The following EYS variants were observed in gnomAD, a reference collection of about 807,000 sequenced individuals.
EYS encodes protein eyes shut homolog.
EYS carries 250 observed loss-of-function variants against 282.1 expected under a neutral mutation model. The ratio of observed to expected loss-of-function variants is 0.89; its 90% CI spans 0.80 to 0.98. The LOEUF (loss-of-function observed/expected upper bound fraction) is 0.98. Among genes scored for constraint, EYS ranks in the 50% least tolerant of loss-of-function variants. The probability of loss-of-function intolerance (pLI) is 0.00; values close to 1 mark genes in which losing one functional copy is unlikely to be tolerated. For synonymous variants in EYS, 1,355 were observed against 1,282.9 expected (o/e 1.06, Z -1.20); for missense variants, 4,016 against 3,709.0 (o/e 1.08, Z -2.15).
chr6:64,376,119 G>A (rs2150416813), intron 29 of EYS, among the ~76,000 whole-genome samples: 1 of 152,266 alleles, frequency 6.6e-6, no homozygotes, highest in South Asian at 2.1e-4. Flanking sequence ...TAGTGGAAGA[G>A]GACAGAAGAC....
rs967400299 is a variant in EYS, at chr6:63,948,399, T to C, written c.7055+35984A>G. ...TCCATTTCTTTGTCTCTCAGAAATATGAGACAAGTGCCTTTTGCTCTATCA... is the reference window on the plus strand; with the variant it reads ...TCCATTTCTTTGTCTCTCAGAAATACGAGACAAGTGCCTTTTGCTCTATCA... On this transcript the variant is annotated intron_variant, in intron 35 of 42. Coordinates refer to ENST00000503581, the MANE Select transcript of EYS (RefSeq NM_001142800.2). Among the ~76,000 whole-genome samples the C allele has an allele frequency of 2.6e-5, 4 of 152,340 alleles. No homozygotes were observed. The East Asian group carries it at 7.7e-4, about 29-fold the overall frequency.
At chr6:65,118,524 G>T (rs1775443438) in intron 12 of EYS, among the ~76,000 whole-genome samples, 1 of 152,112 alleles carries the variant, frequency 6.6e-6, no homozygotes, top group Non-Finnish European at 1.5e-5. Context: ...GAGCCCTTTG[G>T]CATCACATGT....
chr6:64,899,326 A>T (rs1015767066), intron 18 of EYS, among the ~76,000 whole-genome samples: 2 of 152,188 alleles, frequency 1.3e-5, no homozygotes, highest in African/African-American at 4.8e-5. Context: ...CTACATGGAA[A>T]CTGAATGACC....
At chr6:64,690,771 T>C (rs977202767) in intron 22 of EYS, among the ~76,000 whole-genome samples, 7 of 151,896 alleles carry the variant, frequency 4.6e-5, no homozygotes, top group Non-Finnish European at 8.8e-5. Context: ...TAGGCGGGAA[T>C]TGAATAATGA....
chr6:64,480,576 T>C (rs1168914896), intron 26 of EYS, among the ~76,000 whole-genome samples: 1 of 151,852 alleles, frequency 6.6e-6, no homozygotes, highest in East Asian at 1.9e-4. Flanking sequence ...ATAAAATATA[T>C]TCCAGAATTA....
intron 24 of EYS, among the ~76,000 whole-genome samples, chr6:64,606,584 T>A (rs1022210686): frequency 4.6e-5 from 7 of 152,092 alleles, no homozygotes; most frequent in Non-Finnish European, 8.8e-5. Flanking sequence ...TTAGAAACAT[T>A]AAGTTGGCAT....
chr6:65,284,491 T>C (rs1327929534), intron 12 of EYS, among the ~76,000 whole-genome samples: 7 of 152,120 alleles, frequency 4.6e-5, no homozygotes, highest in African/African-American at 1.7e-4. Flanking sequence ...GAAAAGTTAA[T>C]ATCTATTATA....
intron 31 of EYS, among the ~76,000 whole-genome samples, chr6:64,191,558 T>C (rs1212622904): frequency 6.8e-6 from 1 of 147,608 alleles, no homozygotes; most frequent in African/African-American, 2.5e-5. Flanking sequence ...AATTCCCACC[T>C]ATGGGTGAGA....
chr6:64,697,079 T>G (rs1319867842), intron 22 of EYS, among the ~76,000 whole-genome samples: 1 of 152,114 alleles, frequency 6.6e-6, no homozygotes, highest in African/African-American at 2.4e-5. Context: ...TGAATATAAC[T>G]GGATTTAATG....
At chr6:65,354,685 C>T (rs1034315679) in intron 8 of EYS, among the ~76,000 whole-genome samples, 3 of 152,070 alleles carry the variant, frequency 2.0e-5, no homozygotes, top group East Asian at 3.9e-4. Flanking sequence ...GGTGCAGTGG[C>T]GTGCGCCTGT....
chr6:65,002,261 C>T (rs547761230), intron 13 of EYS, among the ~76,000 whole-genome samples: 1 of 147,436 alleles, frequency 6.8e-6, no homozygotes, highest in South Asian at 2.2e-4. Context: ...TGATACAATA[C>T]TGACTTACTT....
chr6:65,555,147 A>G (rs1371258946), intron 2 of EYS, among the ~76,000 whole-genome samples: 1 of 152,202 alleles, frequency 6.6e-6, no homozygotes, highest in Non-Finnish European at 1.5e-5. Context: ...ATCAATCAAA[A>G]GTAATAAAAG....
chr6:64,838,579 G>A (rs112474075), intron 19 of EYS, among the ~76,000 whole-genome samples: 1 of 149,758 alleles, frequency 6.7e-6, no homozygotes, highest in South Asian at 2.1e-4. Flanking sequence ...TAACAATATG[G>A]CTATAATATA....
intron 19 of EYS, among the ~76,000 whole-genome samples, chr6:64,877,329 T>C (rs181258026): frequency 9.2e-5 from 14 of 152,276 alleles, no homozygotes; most frequent in African/African-American, 1.2e-4. Flanking sequence ...ATGAACATGT[T>C]AGTAGTTATT....
chr6:64,903,141 T>A (rs1249987306), intron 16 of EYS, among the ~76,000 whole-genome samples: 1 of 152,128 alleles, frequency 6.6e-6, no homozygotes, highest in Non-Finnish European at 1.5e-5. Flanking sequence ...AATATATTAA[T>A]ATTTATAATA....
At chr6:65,227,632 A>G (rs1766661707) in intron 12 of EYS, among the ~76,000 whole-genome samples, 1 of 152,180 alleles carries the variant, frequency 6.6e-6, no homozygotes, top group Admixed American at 6.6e-5. Context: ...TAATGTTTAT[A>G]GGAGCATTAT....
chr6:64,172,624 ACCTACTG>A (rs1440888967), intron 31 of EYS, among the ~76,000 whole-genome samples: 2 of 152,020 alleles, frequency 1.3e-5, no homozygotes, highest in Non-Finnish European at 2.9e-5. Context: ...ATGCTCACTC[ACCTACTG>A]CTTACCTCCT....
intron 12 of EYS, among the ~76,000 whole-genome samples, chr6:65,125,829 A>T (rs1775702649): frequency 6.6e-6 from 1 of 152,086 alleles, no homozygotes; most frequent in South Asian, 2.1e-4. Flanking sequence ...AGGCCAATTT[A>T]GGAGGCCTGC....
At chr6:64,270,852 A>G (rs1267436942) in intron 30 of EYS, among the ~76,000 whole-genome samples, 3 of 152,076 alleles carry the variant, frequency 2.0e-5, no homozygotes, top group African/African-American at 7.2e-5. Context: ...TTTTGTTTTG[A>G]TCCCCAACTG....
Sources: gnomAD v4.1 joint callset for allele counts (sites outside exome capture counted in the v4.1 genomes callset) on GRCh38, gnomAD v4.1.1 for gene constraint, MANE v1.5 for transcripts, NCBI Gene and HGNC (gene_info 2026-07-23, HGNC 2026-07-21) for gene names.